The following HECW2 variants were observed in gnomAD, a reference collection of about 807,000 sequenced individuals.
HECW2 encodes HECT, C2 and WW domain containing E3 ubiquitin protein ligase 2, also known as E3 ubiquitin-protein ligase HECW2.
A neutral mutation model predicts 175.2 loss-of-function variants in HECW2; 61 were observed. The ratio of observed to expected loss-of-function variants is 0.35; its 90% CI spans 0.28 to 0.43. The LOEUF (loss-of-function observed/expected upper bound fraction) is 0.43, where lower values mean the gene tolerates loss of function less well. HECW2 is among the 20% of genes least tolerant of loss of function. The probability of loss-of-function intolerance (pLI) is 1.00; values close to 1 mark genes in which losing one functional copy is unlikely to be tolerated. For missense variants in HECW2, 1,524 were observed against 2,000.5 expected (o/e 0.76, Z 4.54); for synonymous variants, 671 against 731.0 (o/e 0.92, Z 1.32).
At chr2:196,252,185 A>AATAATAATAATAATT (rs1688880005) in intron 19 of HECW2, among the ~76,000 whole-genome samples, 1 of 134,312 alleles carries the variant, frequency 7.4e-6, no homozygotes, top group African/African-American at 2.5e-5. Flanking sequence ...TCAAAATAAT[A>AATAATAATAATAATT]ATAATAATAA....
At chr2:196,559,379 T>C (rs1689919256) in intron 1 of HECW2, among the ~76,000 whole-genome samples, 1 of 152,206 alleles carries the variant, frequency 6.6e-6, no homozygotes, top group Non-Finnish European at 1.5e-5. Flanking sequence ...GTTCAATTCC[T>C]TCATCACCCC....
At chr2:196,395,462 G>A (rs1461329120) in intron 2 of HECW2, among the ~76,000 whole-genome samples, 2 of 152,060 alleles carry the variant, frequency 1.3e-5, no homozygotes, top group Non-Finnish European at 2.9e-5. Context: ...AATCATGTAT[G>A]TGATAAGAGA....
At chr2:196,471,729 A>G (rs1006061955) in intron 1 of HECW2, among the ~76,000 whole-genome samples, 3 of 152,138 alleles carry the variant, frequency 2.0e-5, no homozygotes, top group African/African-American at 7.2e-5. Context: ...AAAACCAAAT[A>G]CTACATGTTC....
rs961000644 is a variant in HECW2 at position 196,327,120 on chromosome 2, T to A, written c.572-1971A>T. Among the ~76,000 whole-genome samples the A allele has an allele frequency of 1.4e-4, 22 of 152,310 alleles. 1 individual carries two copies. The Middle Eastern group carries it at 0.01, about 71-fold the overall frequency. On this transcript the variant is annotated intron_variant, in intron 5 of 28. Coordinates refer to ENST00000644978, the MANE Select transcript of HECW2 (RefSeq NM_001348768.2). ...TCTTTGTAGTAAATAAAGAGTAACATAGACAGAAATGAATGCCACAAGGTC... is the reference window on the plus strand; with the variant it reads ...TCTTTGTAGTAAATAAAGAGTAACAAAGACAGAAATGAATGCCACAAGGTC...
intron 18 of HECW2, among the ~76,000 whole-genome samples, chr2:196,257,236 C>G (rs1190483543): frequency 1.3e-5 from 2 of 151,264 alleles, no homozygotes; most frequent in Non-Finnish European, 2.9e-5. Context: ...TTCTAAACTA[C>G]TCTAAAATTT....
intron 1 of HECW2, among the ~76,000 whole-genome samples, chr2:196,542,361 A>G (rs1424029642): frequency 2.0e-5 from 3 of 152,146 alleles, no homozygotes; most frequent in African/African-American, 7.2e-5. Flanking sequence ...CACACTGGAC[A>G]TAGAGAAAGG....
At chr2:196,313,882 G>A (rs1261770046) in intron 10 of HECW2, among the ~76,000 whole-genome samples, 1 of 152,036 alleles carries the variant, frequency 6.6e-6, no homozygotes, top group Non-Finnish European at 1.5e-5. Flanking sequence ...TTAGACCCCT[G>A]TCTCTACAAA....
chr2:196,501,004 G>A (rs1687561106), intron 1 of HECW2, among the ~76,000 whole-genome samples: 1 of 152,214 alleles, frequency 6.6e-6, no homozygotes, highest in Non-Finnish European at 1.5e-5. Flanking sequence ...TAAAGATTAA[G>A]ACTTACTTAA....
At chr2:196,310,455 T>C (rs1365088351) in intron 10 of HECW2, among the ~76,000 whole-genome samples, 3 of 152,226 alleles carry the variant, frequency 2.0e-5, no homozygotes, top group Admixed American at 6.5e-5. Context: ...ACGCTGTCAA[T>C]ATCATTCTAC....
intron 2 of HECW2, among the ~76,000 whole-genome samples, chr2:196,387,289 C>G (rs1694376571): frequency 6.6e-6 from 1 of 152,084 alleles, no homozygotes; most frequent in African/African-American, 2.4e-5. Flanking sequence ...GACTTCAAAT[C>G]CCCAATGCAA....
rs10587104 is a variant in HECW2, at chr2:196,254,972, C to CTT, written c.3420-945_3420-944dup. Among the ~76,000 whole-genome samples, 12 of 120,468 alleles carry CTT rather than the reference C, an allele frequency of 1.0e-4. No homozygotes were observed. The South Asian group carries it at 3.3e-3, about 33-fold the overall frequency. The allele number at this position is 120,468 out of a possible 152,430, so 79.0% of individuals were successfully genotyped here. A position where few individuals can be genotyped will look rare whatever the true frequency, so the allele number is the denominator to read the frequency against. ...CTTTATGTATCCACAATCTGGTTTC[C>CTT]TTTTTTTTTTTTTTTTTCTGAGACA... On this transcript the variant is annotated intron_variant, in intron 18 of 28. Coordinates refer to ENST00000644978, the MANE Select transcript of HECW2 (RefSeq NM_001348768.2).
At chr2:196,261,522 C>A (rs1029609301) in intron 17 of HECW2, among the ~76,000 whole-genome samples, 1 of 152,092 alleles carries the variant, frequency 6.6e-6, no homozygotes, top group African/African-American at 2.4e-5. Flanking sequence ...AAAATGATGA[C>A]TGATAATTCC....
At chr2:196,370,955 C>T (rs1411479654) in intron 2 of HECW2, among the ~76,000 whole-genome samples, 1 of 152,180 alleles carries the variant, frequency 6.6e-6, no homozygotes, top group Non-Finnish European at 1.5e-5. Flanking sequence ...CTGTTCAATG[C>T]CTCTTTCAGT....
chr2:196,253,941 A>C lies in HECW2; in HGVS notation c.3508T>G (p.Ser1170Ala), dbSNP rs147113456. ...YCQSPRGSPV[S>A]SPQNSPGTQR... is the part of the protein sequence containing the mutation. The stretch of plus-strand genomic sequence containing the variant: ...TCACCTGGCGAGTTCTGAGGAGATG[A>C]CACGGGAGAGCCACGTGGGGACTGA... Residue 1170 changes from serine to alanine, a missense_variant, in exon 19 of 29, where the codon TCA (serine) becomes GCA (alanine). Around this residue, in one of 11 missense-constraint regions of HECW2, gnomAD observed 291 missense variants for 412.2 expected, o/e 0.71. Coordinates refer to ENST00000644978, the MANE Select transcript of HECW2 (RefSeq NM_001348768.2). 34 of 1,614,040 alleles carry C rather than the reference A, an allele frequency of 2.1e-5. No homozygotes were observed. Among genetic ancestry groups the C allele is most frequent in the Non-Finnish European group, 2.9e-5 (34 of 1,179,898 alleles).
At chr2:196,254,104 A>T (rs1336671298) in intron 18 of HECW2, 75 bp from the exon 19 acceptor site, 3 of 1,571,382 alleles carry the variant, frequency 1.9e-6, no homozygotes, top group Non-Finnish European at 2.6e-6. Context: ...AAAGGAGTAG[A>T]ATATTCCATC....
intron 4 of HECW2, among the ~76,000 whole-genome samples, chr2:196,333,250 T>C (rs1398382092): frequency 6.6e-6 from 1 of 152,080 alleles, no homozygotes; most frequent in Non-Finnish European, 1.5e-5. Flanking sequence ...ACGAGATCAA[T>C]GACGGCGTTT....
chr2:196,292,526 A>G lies in HECW2; in HGVS notation c.3000+39T>C, dbSNP rs774693030. 8.3e-6 allele frequency: 13 copies of G among 1,570,694 alleles called. No individual in the cohort carries two copies. In the Admixed American group the frequency reaches 2.0e-4, roughly 25 times the overall value. Reference sequence around the variant, plus strand: ...AGTGTCGAAGCCACAAGCAGCCCACAGGCATTTGGCACTCCCTGAGGCATC... The same window carrying G: ...AGTGTCGAAGCCACAAGCAGCCCACGGGCATTTGGCACTCCCTGAGGCATC... On this transcript the variant is annotated intron_variant, in intron 14 of 28. Coordinates refer to ENST00000644978, the MANE Select transcript of HECW2 (RefSeq NM_001348768.2).
At chr2:196,211,385 C>A (rs897607329) in intron 28 of HECW2, among the ~76,000 whole-genome samples, 1 of 152,106 alleles carries the variant, frequency 6.6e-6, no homozygotes. Flanking sequence ...CACAGAAATG[C>A]AAAATACAGA....
chr2:196,355,892 A>G (rs1190826897), intron 2 of HECW2, among the ~76,000 whole-genome samples: 1 of 152,142 alleles, frequency 6.6e-6, no homozygotes, highest in African/African-American at 2.4e-5. Context: ...GGAGAGTACA[A>G]TTTTACATAG....
Sources: gnomAD v4.1 joint callset for allele counts (sites outside exome capture counted in the v4.1 genomes callset) on GRCh38, gnomAD v4.1.1 for gene constraint, gnomAD v4.1.1 regional missense constraint, MANE v1.5 for transcripts, NCBI Gene and HGNC (gene_info 2026-07-23, HGNC 2026-07-21) for gene names.